PDLIM3: variants seen among roughly 807,000 people sequenced by gnomAD.
PDLIM3 encodes PDZ and LIM domain 3.
A neutral mutation model predicts 37.3 loss-of-function variants in PDLIM3; 36 were observed. That is an observed-to-expected ratio of 0.97 (90% CI 0.74 to 1.28). The LOEUF (loss-of-function observed/expected upper bound fraction) is 1.28. Ranked by LOEUF, PDLIM3 falls within the 50% of genes most tolerant of loss-of-function variation. The pLI is 0.00. For missense variants in PDLIM3, 454 were observed against 485.0 expected, an observed-to-expected ratio of 0.94 and a Z score of 0.60; for synonymous variants, 174 against 182.4, an observed-to-expected ratio of 0.95 and a Z score of 0.37.
chr4:185,510,055 A>T (rs1478927200), intron 4 of PDLIM3, among the ~76,000 whole-genome samples: 2 of 152,206 alleles, frequency 1.3e-5, no homozygotes, highest in Non-Finnish European at 2.9e-5. Context: ...TGTTTAGATC[A>T]CATACCAAAA....
intron 1 of PDLIM3, among the ~76,000 whole-genome samples, chr4:185,528,860 A>T (rs1048628061): frequency 3.3e-5 from 5 of 152,176 alleles, no homozygotes; most frequent in Admixed American, 2.0e-4. Context: ...ATGACTGCGA[A>T]ATTGGCCTGA....
At chr4:185,508,584 A>G (rs1468457663) in intron 4 of PDLIM3, 22 bp from the exon 5 acceptor site, 1 of 1,613,248 alleles carries the variant, frequency 6.2e-7, no homozygotes, top group Non-Finnish European at 8.5e-7. Context: ...GATACACGTT[A>G]CACAGAGATG....
chr4:185,517,663 A>G (rs2153336691), intron 3 of PDLIM3: 1 of 151,924 alleles, frequency 6.6e-6, no homozygotes, highest in African/African-American at 2.4e-5. Context: ...TGCAAAGATC[A>G]CAAATGTGTA....
Position 185,506,561 on chromosome 4 carries a change from A to C in PDLIM3, c.754T>G (p.Ser252Ala). 1 of 1,613,566 alleles carries C rather than the reference A, an allele frequency of 6.2e-7. No individual in the cohort carries two copies. The highest frequency in any genetic ancestry group is 8.5e-7 in the Non-Finnish European group (1 of 1,180,008). The change falls in exon 6 of 8, where the codon TCC (serine) becomes GCC (alanine). Residue 252 changes from serine to alanine, a missense_variant. Physicochemically the swap from Ser to Ala is moderately conservative, Grantham distance 99. Coordinates refer to ENST00000284767, the MANE Select transcript of PDLIM3 (RefSeq NM_014476.6). ...NEPTQPRQSGSFRVLQGMVDD... is the reference protein window; with the variant it reads ...NEPTQPRQSGAFRVLQGMVDD... ...ACCATTCCCTGGAGCACTCTGAAGG[A>C]GCCCGACTGGCGAGGCTGTGTGGGC...
At chr4:185,526,055 G>C (rs1373964302) in intron 1 of PDLIM3, among the ~76,000 whole-genome samples, 1 of 152,222 alleles carries the variant, frequency 6.6e-6, no homozygotes, top group African/African-American at 2.4e-5. Flanking sequence ...CAATAAACTT[G>C]AAATCTAAGG....
intron 1 of PDLIM3, 117 bp downstream of exon 1, chr4:185,535,225 C>T: frequency 3.4e-6 from 3 of 892,032 alleles, no homozygotes; most frequent in South Asian, 1.5e-5. Flanking sequence ...AGCAGCGCCC[C>T]GTCCGCCCGC....
At chr4:185,517,431 A>G (rs2095716674) in intron 3 of PDLIM3, 1 of 149,898 alleles carries the variant, frequency 6.7e-6, no homozygotes, top group African/African-American at 2.4e-5. Flanking sequence ...ATTAATAAAA[A>G]CTAACATAAT....
chr4:185,533,362 TATC>T (rs956877977), intron 1 of PDLIM3, among the ~76,000 whole-genome samples: 42 of 152,216 alleles, frequency 2.8e-4, no homozygotes, highest in African/African-American at 9.9e-4. Flanking sequence ...TCAATATTCT[TATC>T]ATTTCAGTGA....
Position 185,514,911 on chromosome 4 carries a change from T to C in PDLIM3, c.331-574A>G. On this transcript the variant is annotated intron_variant, in intron 3 of 7. Transcript: ENST00000284767. This position sits in a 1 kb window ranked among gnomAD's most constrained non-coding sequence, Gnocchi z 4.0. ...AATTCCTGTACAATGGCAGACAAAA[T>C]ACACAGCCACACAGCGCACAAGAAA... is the stretch of plus-strand genomic sequence containing the variant. 2 of 1,542,892 alleles carry C rather than the reference T, an allele frequency of 1.3e-6. No homozygotes were observed. The highest frequency in any genetic ancestry group is 1.8e-6 in the Non-Finnish European group (2 of 1,141,796).
In PDLIM3 at chr4:185,502,242, C is replaced by T. The variant is rs755536797; in HGVS notation, c.*52G>A. ...CTGCCCAAAGCCATGAATGTCTTCT[C>T]GTGTAAGTGCGCGTGGGTGGGTGCG... On this transcript the variant is annotated 3_prime_UTR_variant, in exon 8 of 8. Transcript: ENST00000284767. 8 of 1,558,660 alleles carry T rather than the reference C, an allele frequency of 5.1e-6. No homozygotes were observed. Among genetic ancestry groups the T allele is most frequent in the East Asian group, 4.5e-5 (2 of 44,650 alleles).
chr4:185,526,092 A>C (rs933650317), intron 1 of PDLIM3, among the ~76,000 whole-genome samples: 3 of 152,256 alleles, frequency 2.0e-5, no homozygotes, highest in Non-Finnish European at 4.4e-5. Context: ...AAGCAAAGGC[A>C]AGACATGAGC....
At chr4:185,513,235 T>C in intron 4 of PDLIM3, 1 of 985,386 alleles carries the variant, frequency 1.0e-6, no homozygotes, top group Non-Finnish European at 1.2e-6. Flanking sequence ...GCTCCTCTGG[T>C]CCAGGGCTCC....
At chr4:185,520,483 A>ATGT (rs1394326307) in intron 3 of PDLIM3, among the ~76,000 whole-genome samples, 1 of 69,102 alleles carries the variant, frequency 1.4e-5, no homozygotes, top group Non-Finnish European at 6.0e-5. Context: ...TAGTATTGTA[A>ATGT]ATATTCATAT....
chr4:185,506,353 T>A (rs1375276998), intron 6 of PDLIM3, among the ~76,000 whole-genome samples, 169 bp downstream of exon 6: 1 of 152,214 alleles, frequency 6.6e-6, no homozygotes, highest in Non-Finnish European at 1.5e-5. Flanking sequence ...AATCTCCTTT[T>A]TTAAACGAGG....
In PDLIM3 at chr4:185,504,457, G is replaced by C. The variant is rs778572675; in HGVS notation, c.905+18C>G. 6.3e-6 allele frequency: 10 copies of C among 1,577,574 alleles called. No individual in the cohort carries two copies. The highest frequency in any genetic ancestry group is 1.7e-4 in the Middle Eastern group (1 of 6,000). ...GCCAAGCTGTATCGTAAATTCCAGG[G>C]TTAAAAGTGAAACTTACACTATGCC... is the stretch of plus-strand genomic sequence containing the variant. On this transcript the variant is annotated intron_variant, in intron 7 of 7. Coordinates refer to ENST00000284767, the MANE Select transcript of PDLIM3 (RefSeq NM_014476.6). This position sits in a 1 kb window ranked among gnomAD's most constrained non-coding sequence, Gnocchi z 4.7.
At chr4:185,527,293 T>A (rs1439269575) in intron 1 of PDLIM3, among the ~76,000 whole-genome samples, 1 of 152,254 alleles carries the variant, frequency 6.6e-6, no homozygotes, top group African/African-American at 2.4e-5. Flanking sequence ...ATGCTTTATT[T>A]AGGGATCAGT....
chr4:185,530,967 AACAC>A (rs755319452), intron 1 of PDLIM3, among the ~76,000 whole-genome samples: 2 of 51,420 alleles, frequency 3.9e-5, no homozygotes, highest in South Asian at 9.9e-4. Context: ...CATGCATAGA[AACAC>A]ACACACACAC....
intron 1 of PDLIM3, among the ~76,000 whole-genome samples, chr4:185,533,723 C>T (rs1414302004): frequency 6.6e-6 from 1 of 152,124 alleles, no homozygotes; most frequent in African/African-American, 2.4e-5. Flanking sequence ...AATGTAAGTA[C>T]TGCTTTAAAA....
chr4:185,513,941 C>T, intron 4 of PDLIM3: 8 of 1,219,372 alleles, frequency 6.6e-6, no homozygotes, highest in Non-Finnish European at 8.3e-6. Context: ...CAGGGCTTTC[C>T]TGACCTGGGA....
Sources: allele counts gnomAD v4.1 joint callset (sites outside exome capture counted in the v4.1 genomes callset), GRCh38; gene constraint gnomAD v4.1.1; non-coding constraint Gnocchi (gnomAD v3.1); transcripts MANE v1.5; gene names NCBI Gene and HGNC (gene_info 2026-07-23, HGNC 2026-07-21).